The following EYS variants were observed in gnomAD, a reference collection of about 807,000 sequenced individuals.
EYS encodes the protein EGF-like photoreceptor maintenance factor.
EYS carries 250 observed loss-of-function variants against 282.1 expected under a neutral mutation model. That is an observed-to-expected ratio of 0.89 (90% CI 0.80 to 0.98). The LOEUF is 0.98. Ranked by LOEUF, EYS falls within the 50% of genes least tolerant of loss-of-function variation. The pLI is 0.00. For missense variants in EYS, 4,016 were observed against 3,709.0 expected, an observed-to-expected ratio of 1.08 and a Z score of -2.15; for synonymous variants, 1,355 against 1,282.9, an observed-to-expected ratio of 1.06 and a Z score of -1.20.
At chr6:64,691,476 A>G (rs2349513) in intron 22 of EYS, among the ~76,000 whole-genome samples, 102,420 of 152,070 alleles carry the variant, frequency 0.67, 35,695 homozygotes, top group Middle Eastern at 0.78. Context: ...TATGCAACAG[A>G]AACAGTTTGG....
intron 22 of EYS, among the ~76,000 whole-genome samples, chr6:64,764,009 C>A (rs1318313086): frequency 6.6e-6 from 1 of 152,138 alleles, no homozygotes; most frequent in African/African-American, 2.4e-5. Context: ...GGGTACAGCT[C>A]CTCCTGACTG....
At chr6:65,328,475 A>G (rs958147225) in intron 11 of EYS, among the ~76,000 whole-genome samples, 4 of 151,390 alleles carry the variant, frequency 2.6e-5, no homozygotes, top group Admixed American at 2.0e-4. Context: ...GAGTACATCA[A>G]TTTTGCTAAA....
At chr6:64,417,295 C>T (rs913322237) in intron 28 of EYS, among the ~76,000 whole-genome samples, 1 of 152,112 alleles carries the variant, frequency 6.6e-6, no homozygotes, top group African/African-American at 2.4e-5. Flanking sequence ...TTATTACCTG[C>T]ATTTAACAAA....
At chr6:64,568,049 A>G (rs577690951) in intron 26 of EYS, among the ~76,000 whole-genome samples, 6 of 152,314 alleles carry the variant, frequency 3.9e-5, no homozygotes, top group Admixed American at 3.9e-4. Flanking sequence ...GAATTCAGGA[A>G]GGCCAAAATA....
rs1777412776 is a variant in EYS at position 64,511,823 on chromosome 6, G to GA, written c.5645-72472_5645-72471insT. ...AGCCATTAGATACTAAATTTTGGGG[G>GA]GGGGTGTTAAAATGTGTCACTTCTC... On this transcript the variant is annotated intron_variant, in intron 26 of 42. Coordinates refer to ENST00000503581, the MANE Select transcript of EYS (RefSeq NM_001142800.2). 3.7e-5 allele frequency among the ~76,000 whole-genome samples: 5 copies of GA among 136,918 alleles called. No individual in the cohort carries two copies. In the East Asian group the frequency reaches 1.0e-3, roughly 27 times the overall value. The allele number at this position is 136,918 out of a possible 152,430, so 89.8% of individuals were successfully genotyped here.
intron 30 of EYS, among the ~76,000 whole-genome samples, chr6:64,266,471 T>G (rs940073758): frequency 2.6e-5 from 4 of 152,162 alleles, no homozygotes; most frequent in African/African-American, 9.7e-5. Context: ...AGGGTGAAAC[T>G]GTCTTCAGTT....
At chr6:64,069,367 A>T (rs1771487891) in intron 32 of EYS, among the ~76,000 whole-genome samples, 1 of 151,944 alleles carries the variant, frequency 6.6e-6, no homozygotes, top group Admixed American at 6.6e-5. Flanking sequence ...TGGAATATAT[A>T]TATATTTTAC....
intron 2 of EYS, among the ~76,000 whole-genome samples, chr6:65,627,967 C>T (rs1306967899): frequency 6.6e-6 from 1 of 152,246 alleles, no homozygotes; most frequent in Non-Finnish European, 1.5e-5. Flanking sequence ...CACCTGCAGC[C>T]CCGGTGCGGG....
intron 18 of EYS, among the ~76,000 whole-genome samples, chr6:64,896,470 C>T (rs951338928): frequency 2.6e-5 from 4 of 152,180 alleles, no homozygotes; most frequent in Non-Finnish European, 4.4e-5. Context: ...GTGCCTACAC[C>T]ACAAGGGCAC....
chr6:64,349,434 C>G (rs975620211), intron 29 of EYS, among the ~76,000 whole-genome samples: 4 of 100,734 alleles, frequency 4.0e-5, no homozygotes, highest in East Asian at 2.4e-4. Flanking sequence ...GAAAACTAAA[C>G]CATAAATTAA....
chr6:65,408,140 G>C (rs913186184), intron 5 of EYS, among the ~76,000 whole-genome samples: 1 of 151,830 alleles, frequency 6.6e-6, no homozygotes, highest in South Asian at 2.1e-4. Context: ...GGAAAAAATC[G>C]TACTTTATCA....
chr6:64,945,914 T>C lies in EYS; in HGVS notation c.2260A>G (p.Ser754Gly). The change falls in exon 15 of 43, where the codon AGC becomes GGC. Residue 754 changes from serine to glycine, a missense_variant and splice_region_variant. Ser to Gly is a moderately conservative substitution (Grantham distance 56). Coordinates refer to ENST00000503581, the MANE Select transcript of EYS (RefSeq NM_001142800.2). ...HNSTCKDLHLSYQCVCLSDWE... is the reference protein window; with the variant it reads ...HNSTCKDLHLGYQCVCLSDWE... ...TCAGATAGGCACACACACTGGTAGCTCTAAGAGAATATGAAATTATATATT... is the reference window on the plus strand; with the variant it reads ...TCAGATAGGCACACACACTGGTAGCCCTAAGAGAATATGAAATTATATATT... 1 of 1,541,568 alleles carries C rather than the reference T, an allele frequency of 6.5e-7. No homozygotes were observed. The highest frequency in any genetic ancestry group is 8.8e-7 in the Non-Finnish European group (1 of 1,140,314).
At chr6:65,361,420 T>C (rs1024305814) in intron 8 of EYS, among the ~76,000 whole-genome samples, 8 of 152,008 alleles carry the variant, frequency 5.3e-5, no homozygotes, top group African/African-American at 1.2e-4. Flanking sequence ...ATTTAATGAC[T>C]TGTGAGGTGA....
At chr6:65,442,621 G>T (rs1298394896) in intron 5 of EYS, among the ~76,000 whole-genome samples, 1 of 151,758 alleles carries the variant, frequency 6.6e-6, no homozygotes, top group African/African-American at 2.4e-5. Context: ...GGGCTTAGTG[G>T]AGCATGCATA....
intron 1 of EYS, among the ~76,000 whole-genome samples, chr6:65,648,355 C>A (rs1391187928): frequency 8.2e-6 from 1 of 122,590 alleles, no homozygotes; most frequent in Non-Finnish European, 1.8e-5. Context: ...TGTGTGTATA[C>A]CATAGAATAC....
chr6:64,813,587 G>A lies in EYS; in HGVS notation c.3244-10C>T. On this transcript the variant is annotated splice_polypyrimidine_tract_variant and intron_variant, in intron 21 of 42. Coordinates refer to ENST00000503581, the MANE Select transcript of EYS (RefSeq NM_001142800.2). ...GGATTGATGTGCAGTCCTAGATTAA[G>A]AAATAGAGAATCAAATTTGATTATT... The A allele has an allele frequency of 6.6e-7, 1 of 1,509,190 alleles. No homozygotes were observed. Among genetic ancestry groups the A allele is most frequent in the Non-Finnish European group, 8.9e-7 (1 of 1,119,644 alleles). 93.5% of individuals were successfully genotyped at this position (1,509,190 alleles called of 1,614,324 possible).
intron 12 of EYS, among the ~76,000 whole-genome samples, chr6:65,292,231 G>A (rs1297742306): frequency 2.0e-5 from 3 of 151,596 alleles, no homozygotes; most frequent in South Asian, 4.1e-4. Context: ...AATTACATAA[G>A]ATATAAAATC....
At chr6:65,534,032 C>T (rs932692818) in intron 2 of EYS, among the ~76,000 whole-genome samples, 13 of 151,810 alleles carry the variant, frequency 8.6e-5, no homozygotes, top group Non-Finnish European at 1.6e-4. Flanking sequence ...ACTTCTTGTA[C>T]TTGGATCAAA....
chr6:65,006,522 A>AAAAG (rs1771668387), intron 13 of EYS, among the ~76,000 whole-genome samples: 1 of 135,310 alleles, frequency 7.4e-6, no homozygotes, highest in Non-Finnish European at 1.6e-5. Context: ...AAAAAAAAAA[A>AAAAG]AGCAAAAAGG....
Sources: allele counts gnomAD v4.1 joint callset (sites outside exome capture counted in the v4.1 genomes callset), GRCh38; gene constraint gnomAD v4.1.1; transcripts MANE v1.5; gene names NCBI Gene and HGNC (gene_info 2026-07-23, HGNC 2026-07-21).